Variants in CSMD3 observed in about 807,000 individuals in gnomAD.
CSMD3 encodes the protein CUB and Sushi multiple domains 3, also known as CUB and sushi domain-containing protein 3.
In CSMD3, 177 loss-of-function variants were observed where a neutral mutation model predicts 435.2. The ratio of observed to expected loss-of-function variants is 0.41; its 90% confidence interval spans 0.36 to 0.46. The LOEUF (loss-of-function observed/expected upper bound fraction) is 0.46. Among genes scored for constraint, CSMD3 ranks in the 20% least tolerant of loss-of-function variants. The probability of loss-of-function intolerance (pLI) is 0.34; values close to 1 mark genes in which losing one functional copy is unlikely to be tolerated. For synonymous variants in CSMD3, 1,656 were observed against 1,520.5 expected (o/e 1.09, Z -2.07); for missense variants, 4,265 against 4,504.6 (o/e 0.95, Z 1.52).
At chr8:112,585,452 C>T (rs1206571037) in intron 23 of CSMD3, among the ~76,000 whole-genome samples, 1 of 151,006 alleles carries the variant, frequency 6.6e-6, no homozygotes, top group Non-Finnish European at 1.5e-5. Flanking sequence ...TATTACATCC[C>T]CTTGTGTTGT....
chr8:112,335,203 T>C, intron 45 of CSMD3, 126 bp downstream of exon 45: 1 of 909,530 alleles, frequency 1.1e-6, no homozygotes, highest in Non-Finnish European at 1.7e-6. Context: ...CTAAAGTTAC[T>C]GTGATTATAA....
chr8:112,903,066 T>G (rs2082149694), intron 10 of CSMD3, among the ~76,000 whole-genome samples: 1 of 146,992 alleles, frequency 6.8e-6, no homozygotes, highest in African/African-American at 2.5e-5. Context: ...AAGATGTCTT[T>G]GACCGTTTCT....
chr8:113,213,130 A>C (rs2092859150), intron 3 of CSMD3, among the ~76,000 whole-genome samples: 1 of 152,036 alleles, frequency 6.6e-6, no homozygotes, highest in African/African-American at 2.4e-5. Flanking sequence ...AAATTTTATG[A>C]AAACCAAGAT....
At chr8:112,985,977 ACCCCCGAT>A (rs1047098107) in intron 6 of CSMD3, among the ~76,000 whole-genome samples, 88 of 151,948 alleles carry the variant, frequency 5.8e-4, no homozygotes, top group Non-Finnish European at 2.8e-4. Flanking sequence ...AACCATCCCC[ACCCCCGAT>A]CTGTGGAAAA....
intron 3 of CSMD3, among the ~76,000 whole-genome samples, chr8:113,211,746 C>T (rs1289398654): frequency 6.6e-6 from 1 of 151,980 alleles, no homozygotes. Context: ...TTAAGTGAAC[C>T]AAAACCTGAA....
At chr8:112,657,941 T>A (rs1228679314) in intron 17 of CSMD3, among the ~76,000 whole-genome samples, 5 of 152,242 alleles carry the variant, frequency 3.3e-5, no homozygotes. Context: ...TCCATGAGGT[T>A]AAGCAGTGTG....
intron 17 of CSMD3, among the ~76,000 whole-genome samples, chr8:112,662,248 C>T (rs2131686444): frequency 6.6e-6 from 1 of 152,264 alleles, no homozygotes; most frequent in Non-Finnish European, 1.5e-5. Context: ...AAGCTGGAGG[C>T]ATCACGCTAC....
intron 2 of CSMD3, among the ~76,000 whole-genome samples, chr8:113,280,437 T>C (rs7823590): frequency 0.14 from 21,028 of 151,948 alleles, 2,646 homozygotes; most frequent in African/African-American, 0.33. Context: ...CTAGTTTTTC[T>C]AGTTTATGTG....
chr8:113,432,690 G>A (rs2094682101), intron 1 of CSMD3, among the ~76,000 whole-genome samples: 1 of 152,104 alleles, frequency 6.6e-6, no homozygotes, highest in Non-Finnish European at 1.5e-5. Context: ...CGAACTCCCC[G>A]AGTGCGTCTT....
chr8:112,952,726 G>A (rs1034395182), intron 8 of CSMD3, among the ~76,000 whole-genome samples: 1 of 151,152 alleles, frequency 6.6e-6, no homozygotes, highest in Admixed American at 6.6e-5. Flanking sequence ...AAAACCAAGA[G>A]TATTTAAAAA....
chr8:113,066,928 GC>G (rs550376978), intron 5 of CSMD3, among the ~76,000 whole-genome samples: 43 of 152,164 alleles, frequency 2.8e-4, no homozygotes, highest in South Asian at 1.0e-3. Flanking sequence ...TGGGAATGAT[GC>G]CATTTTGTTT....
rs566597487 is a variant in CSMD3, at chr8:112,440,813, G to A, written c.5395+31778C>T. Among the ~76,000 whole-genome samples, 3 of 152,270 alleles carry A rather than the reference G, an allele frequency of 2.0e-5. No individual in the cohort carries two copies. In the South Asian group the frequency reaches 6.2e-4, roughly 32 times the overall value. On this transcript the variant is annotated intron_variant, in intron 32 of 70. Transcript: ENST00000297405. ...GGCTGTGGCTGGAGCTGAAGCAGCT[G>A]GGATGCAGGTCATGATGCCCCAAGG...
chr8:112,339,487 CT>C (rs1221291016), intron 42 of CSMD3, among the ~76,000 whole-genome samples: 1 of 152,022 alleles, frequency 6.6e-6, no homozygotes, highest in African/African-American at 2.4e-5. Flanking sequence ...TGGGAGTGTA[CT>C]TTTGTTTTCA....
At chr8:113,202,383 C>T (rs1364424525) in intron 3 of CSMD3, among the ~76,000 whole-genome samples, 1 of 152,054 alleles carries the variant, frequency 6.6e-6, no homozygotes, top group Admixed American at 6.6e-5. Flanking sequence ...ACTGAAGAGC[C>T]TCTTTTAAAA....
intron 13 of CSMD3, among the ~76,000 whole-genome samples, chr8:112,704,042 T>C (rs942407133): frequency 6.6e-6 from 1 of 152,124 alleles, no homozygotes; most frequent in African/African-American, 2.4e-5. Context: ...CGGGTTTCCA[T>C]TTTACACAGA....
At position 112,227,911 on chromosome 8, in the gene CSMD3, G is replaced by A. The variant is rs1209008007; in HGVS notation, c.10964+845C>T. Among the ~76,000 whole-genome samples the A allele has an allele frequency of 3.3e-5, 5 of 151,934 alleles. No individual in the cohort carries two copies. The South Asian group carries it at 6.2e-4, about 19-fold the overall frequency. ...CAAAAAATTAGCCGGGCATGATGGCGGGTACCTGTAGTCCCATCTACTTGG... is the reference window on the plus strand; with the variant it reads ...CAAAAAATTAGCCGGGCATGATGGCAGGTACCTGTAGTCCCATCTACTTGG... On this transcript the variant is annotated intron_variant, in intron 70 of 70. Coordinates refer to ENST00000297405, the MANE Select transcript of CSMD3 (RefSeq NM_198123.2).
chr8:113,402,181 A>C (rs1264495945), intron 1 of CSMD3, among the ~76,000 whole-genome samples: 1 of 150,322 alleles, frequency 6.7e-6, no homozygotes, highest in African/African-American at 2.5e-5. Context: ...TTTTATCTTA[A>C]ATTTTTTATC....
rs183039675 is a variant in CSMD3, at chr8:112,516,586, C to T, written c.4756+448G>A. 1.9e-3 allele frequency among the ~76,000 whole-genome samples: 293 copies of T among 152,174 alleles called. 2 individuals carry two copies. Among genetic ancestry groups the T allele is most frequent in the African/African-American group, 6.6e-3 (273 of 41,538 alleles). On this transcript the variant is annotated intron_variant, in intron 28 of 70. Coordinates refer to ENST00000297405, the MANE Select transcript of CSMD3 (RefSeq NM_198123.2). The stretch of plus-strand genomic sequence containing the variant: ...GATCTTCCAAATAAAAACCAATATT[C>T]CTTTGGATTACATGAATTAAATAGA...
chr8:112,435,076 C>T (rs1158185330), intron 32 of CSMD3, among the ~76,000 whole-genome samples: 1 of 152,050 alleles, frequency 6.6e-6, no homozygotes, highest in East Asian at 1.9e-4. Context: ...CAAAATAGCA[C>T]TGAAGATTTT....
Sources: allele counts gnomAD v4.1 joint callset (sites outside exome capture counted in the v4.1 genomes callset), GRCh38; gene constraint gnomAD v4.1.1; transcripts MANE v1.5; gene names NCBI Gene and HGNC (gene_info 2026-07-23, HGNC 2026-07-21).